EXOC5: variants seen among roughly 807,000 people sequenced by gnomAD.
EXOC5 encodes SEC10-like 1.
Under a neutral mutation model 90.8 loss-of-function variants are expected in EXOC5, and 17 were observed. That is an observed-to-expected ratio of 0.19 (90% CI 0.13 to 0.28). The LOEUF (loss-of-function observed/expected upper bound fraction) is 0.28. Ranked by LOEUF, EXOC5 falls within the 10% of genes least tolerant of loss-of-function variation. The probability of loss-of-function intolerance (pLI) is 1.00; values close to 1 mark genes in which losing one functional copy is unlikely to be tolerated. For missense variants in EXOC5, 569 were observed against 830.6 expected, an observed-to-expected ratio of 0.69 and a Z score of 3.87; for synonymous variants, 260 against 270.0, an observed-to-expected ratio of 0.96 and a Z score of 0.36.
intron 15 of EXOC5, among the ~76,000 whole-genome samples, chr14:57,217,237 C>T (rs1002185443): frequency 4.6e-5 from 7 of 152,128 alleles, no homozygotes; most frequent in African/African-American, 1.4e-4. Flanking sequence ...CTATATGATC[C>T]AACAACCCCA....
Position 57,213,002 on chromosome 14 carries a change from G to A in EXOC5, c.1614-2941C>T, listed in dbSNP as rs377472926. Among the ~76,000 whole-genome samples, 57 of 152,112 alleles carry A rather than the reference G, an allele frequency of 3.7e-4. No individual in the cohort carries two copies. The South Asian group carries it at 0.012, about 31-fold the overall frequency. On this transcript the variant is annotated intron_variant, in intron 15 of 17. Coordinates refer to ENST00000621441, the MANE Select transcript of EXOC5 (RefSeq NM_006544.4). ...AGAGTTTCTCCTTCTGTTTCTTCAG[G>A]TAATATATGGTGGTCATTCCAATAC...
At chr14:57,267,822 G>T (rs538894897) in intron 1 of EXOC5, among the ~76,000 whole-genome samples, 1 of 152,220 alleles carries the variant, frequency 6.6e-6, no homozygotes, top group East Asian at 1.9e-4. Flanking sequence ...ACATATTAAG[G>T]ATTCTCTAGC....
At chr14:57,261,355 A>G (rs927852704) in intron 1 of EXOC5, among the ~76,000 whole-genome samples, 4 of 152,220 alleles carry the variant, frequency 2.6e-5, no homozygotes, top group African/African-American at 7.2e-5. Flanking sequence ...AATTACACAC[A>G]TGTGCAGTCT....
Position 57,207,513 on chromosome 14 carries a change from C to CTA in EXOC5, c.*1094_*1095dup, listed in dbSNP as rs1399877883. ...CATCAAATTAAGCCAATTCCATTAA[C>CTA]TATATCCAAGTAGGAATAACTTCAG... On this transcript the variant is annotated 3_prime_UTR_variant, in exon 18 of 18. Transcript: ENST00000621441. 2 of 152,250 alleles carry CTA rather than the reference C, an allele frequency of 1.3e-5. No individual in the cohort carries two copies. Among genetic ancestry groups the CTA allele is most frequent in the Non-Finnish European group, 2.9e-5 (2 of 67,978 alleles). 9.4% of individuals were successfully genotyped at this position (152,250 alleles called of 1,614,324 possible).
intron 6 of EXOC5, among the ~76,000 whole-genome samples, chr14:57,236,273 A>AT (rs1883655186): frequency 6.9e-6 from 1 of 144,092 alleles, no homozygotes; most frequent in African/African-American, 2.6e-5. Context: ...CAGTATTTAT[A>AT]TTTTTTTCAT....
At chr14:57,221,621 G>C (rs946964367) in intron 13 of EXOC5, among the ~76,000 whole-genome samples, 1 of 152,172 alleles carries the variant, frequency 6.6e-6, no homozygotes, top group Non-Finnish European at 1.5e-5. Flanking sequence ...TTCTGAAAAG[G>C]AGGAATTGAG....
At chr14:57,258,961 T>C (rs567387175) in intron 1 of EXOC5, among the ~76,000 whole-genome samples, 104 of 152,316 alleles carry the variant, frequency 6.8e-4, no homozygotes, top group African/African-American at 2.4e-3. Context: ...TTAAACCAAC[T>C]AACCCATCGG....
chr14:57,229,953 CTT>C, intron 11 of EXOC5, 72 bp from the exon 12 acceptor site: 1 of 903,940 alleles, frequency 1.1e-6, no homozygotes, highest in Admixed American at 3.3e-5. Context: ...TACTTCCAAA[CTT>C]AGTATATATC....
intron 11 of EXOC5, among the ~76,000 whole-genome samples, chr14:57,230,444 C>A (rs982739075): frequency 6.8e-6 from 1 of 146,822 alleles, no homozygotes; most frequent in Non-Finnish European, 1.5e-5. Context: ...CACACACACA[C>A]AAACACACAC....
intron 5 of EXOC5, among the ~76,000 whole-genome samples, chr14:57,237,950 C>G (rs1883713565): frequency 6.6e-6 from 1 of 151,746 alleles, no homozygotes; most frequent in Non-Finnish European, 1.5e-5. Context: ...ACTAAAATAC[C>G]ACGCAGTAGA....
chr14:57,246,049 TA>T (rs527431736), intron 3 of EXOC5, among the ~76,000 whole-genome samples: 24 of 146,252 alleles, frequency 1.6e-4, no homozygotes, highest in South Asian at 2.2e-4. Context: ...AACTCTGTCT[TA>T]AAAAAAAAAG....
At position 57,232,741 on chromosome 14, in the gene EXOC5, C is replaced by T; in HGVS notation, c.864G>A (p.Val288=). The change falls in exon 10 of 18, where the codon GTG becomes GTA. Residue 288 remains valine (V), a synonymous_variant. Transcript: ENST00000621441. Reference sequence around the variant, plus strand: ...TCCTACATTCTTCTAACTGCTCTTTCACAAAACTCTAAAAGAAAAAGGTTA... The same window carrying T: ...TCCTACATTCTTCTAACTGCTCTTTTACAAAACTCTAAAAGAAAAAGGTTA... The part of the protein sequence containing the change: ...NVFEIKLQSF[V]KEQLEECRKS... 6.7e-7 allele frequency: 1 copy of T among 1,499,722 alleles called. No homozygotes were observed. Among genetic ancestry groups the T allele is most frequent in the Non-Finnish European group, 9.2e-7 (1 of 1,092,770 alleles). The allele number at this position is 1,499,722 out of a possible 1,614,324, so 92.9% of individuals were successfully genotyped here.
At chr14:57,226,062 T>C (rs1883298159) in intron 12 of EXOC5, among the ~76,000 whole-genome samples, 1 of 152,246 alleles carries the variant, frequency 6.6e-6, no homozygotes, top group East Asian at 1.9e-4. Flanking sequence ...AGCAATCAGA[T>C]ACGCATTTCT....
intron 5 of EXOC5, among the ~76,000 whole-genome samples, chr14:57,238,072 C>A: frequency 6.6e-6 from 1 of 151,350 alleles, no homozygotes; most frequent in South Asian, 2.1e-4. Flanking sequence ...AAAGAGATGC[C>A]AAAGACAAAT....
At chr14:57,241,254 A>G (rs1017767748) in intron 4 of EXOC5, among the ~76,000 whole-genome samples, 1 of 152,194 alleles carries the variant, frequency 6.6e-6, no homozygotes, top group Non-Finnish European at 1.5e-5. Context: ...TATAGTGAAT[A>G]TAGCATTTCT....
chr14:57,265,540 T>C (rs539874931), intron 1 of EXOC5, among the ~76,000 whole-genome samples: 13 of 152,196 alleles, frequency 8.5e-5, no homozygotes, highest in African/African-American at 2.6e-4. Context: ...CTGGGCAACA[T>C]GGTAAAACCT....
rs764985166 is a variant in EXOC5, at chr14:57,247,601, A to C, written c.122+17T>G. The C allele has an allele frequency of 1.4e-6, 2 of 1,425,894 alleles. No homozygotes were observed. Among genetic ancestry groups the C allele is most frequent in the East Asian group, 2.5e-5 (1 of 40,046 alleles). 88.3% of individuals were successfully genotyped at this position (1,425,894 alleles called of 1,614,324 possible). A position where few individuals can be genotyped will look rare whatever the true frequency, so the allele number is the denominator to read the frequency against. ...TACCAGATTAGATCTGTGGGGAAAA[A>C]AATTTTTTTATTTCACCTTTTAGGA... On this transcript the variant is annotated intron_variant, in intron 2 of 17. Transcript: ENST00000621441.
chr14:57,221,304 G>A (rs8016426), intron 13 of EXOC5, among the ~76,000 whole-genome samples: 25,071 of 152,082 alleles, frequency 0.16, 4,189 homozygotes, highest in African/African-American at 0.44. Flanking sequence ...TGCAATGAGA[G>A]ATGATCAATA....
intron 15 of EXOC5, 26 bp downstream of exon 15, chr14:57,217,956 T>G: frequency 8.6e-7 from 1 of 1,161,232 alleles, no homozygotes; most frequent in Non-Finnish European, 1.3e-6. Flanking sequence ...TTTAAAAAAA[T>G]GCAAGAGACA....
Sources: allele counts gnomAD v4.1 joint callset (sites outside exome capture counted in the v4.1 genomes callset), GRCh38; gene constraint gnomAD v4.1.1; transcripts MANE v1.5; gene names NCBI Gene and HGNC (gene_info 2026-07-23, HGNC 2026-07-21).